The following MSR1 variants were observed in gnomAD, a reference collection of about 807,000 sequenced individuals.
MSR1 encodes the protein macrophage scavenger receptor types I and II.
Under a neutral mutation model 47.2 loss-of-function variants are expected in MSR1, and 53 were observed. The observed-to-expected ratio is 1.12, with a 90% CI of 0.90 to 1.41. The LOEUF (loss-of-function observed/expected upper bound fraction) is 1.41. Among genes scored for constraint, MSR1 ranks in the 40% most tolerant of loss-of-function variants. MSR1 has a pLI of 0.00. For missense variants in MSR1, 786 were observed against 546.9 expected, an observed-to-expected ratio of 1.44 and a Z score of -4.36; for synonymous variants, 239 against 185.6, an observed-to-expected ratio of 1.29 and a Z score of -2.34.
At chr8:16,115,286 A>G (rs1298412274) in intron 9 of MSR1, among the ~76,000 whole-genome samples, 1 of 152,212 alleles carries the variant, frequency 6.6e-6, no homozygotes, top group African/African-American at 2.4e-5. Flanking sequence ...AATTAAAACA[A>G]TGCATGTTTC....
At chr8:16,140,645 C>A in intron 8 of MSR1, 1 of 1,194,214 alleles carries the variant, frequency 8.4e-7, no homozygotes, top group Non-Finnish European at 1.0e-6. Context: ...CTCCTAGAAC[C>A]CAATAAATTA....
chr8:16,188,965 TAC>T (rs1323390064), intron 1 of MSR1, among the ~76,000 whole-genome samples: 967 of 54,322 alleles, frequency 0.018, 5 homozygotes, highest in Non-Finnish European at 0.03. Flanking sequence ...TCAACACACA[TAC>T]ATATATATAT....
rs866802732 is a variant in MSR1 at position 16,143,570 on chromosome 8, C to T, written c.1021G>A (p.Gly341Arg). The change falls in exon 8 of 10, where the codon GGA becomes AGA. Residue 341 changes from glycine to arginine, a missense_variant. By Grantham distance (125) the Gly-to-Arg change is moderately radical. Transcript: ENST00000262101. ...ACTATATACTTACTTAATGTGTTTCCACTCCCCTTTTCCCCTTTCTGGCCT... is the reference window on the plus strand; with the variant it reads ...ACTATATACTTACTTAATGTGTTTCTACTCCCCTTTTCCCCTTTCTGGCCT... ...PKGQKGEKGS[G>R]NTLTPFTKVR... The T allele has an allele frequency of 6.2e-7, 1 of 1,612,178 alleles. No homozygotes were observed. The highest frequency in any genetic ancestry group is 8.5e-7 in the Non-Finnish European group (1 of 1,178,670).
intron 4 of MSR1, among the ~76,000 whole-genome samples, chr8:16,168,070 TAAA>T (rs202005370): frequency 6.8e-6 from 1 of 146,868 alleles, no homozygotes; most frequent in Admixed American, 6.8e-5. Flanking sequence ...AACTTACAAA[TAAA>T]AAAAAAAATC....
intron 8 of MSR1, among the ~76,000 whole-genome samples, chr8:16,124,773 T>C (rs571359508): frequency 1.3e-5 from 2 of 152,296 alleles, no homozygotes; most frequent in Non-Finnish European, 2.9e-5. Context: ...TCTGACAAGA[T>C]GCAAGTTGTC....
intron 8 of MSR1, among the ~76,000 whole-genome samples, chr8:16,138,150 G>C (rs965563267): frequency 2.0e-5 from 3 of 152,142 alleles, no homozygotes; most frequent in Non-Finnish European, 4.4e-5. Context: ...ATCGTTGTTT[G>C]AGTTTTAGAT....
chr8:16,141,815 T>C (rs1448950467), intron 8 of MSR1, among the ~76,000 whole-genome samples: 2 of 151,818 alleles, frequency 1.3e-5, no homozygotes, highest in African/African-American at 2.4e-5. Flanking sequence ...CTGTTTGCAG[T>C]GTAAAAATAA....
At chr8:16,114,930 C>T (rs372576278) in intron 9 of MSR1, among the ~76,000 whole-genome samples, 12 of 152,140 alleles carry the variant, frequency 7.9e-5, no homozygotes, top group African/African-American at 2.9e-4. Context: ...GTAATCCCAG[C>T]ACTTTGGGAG....
At chr8:16,178,136 G>C in intron 1 of MSR1, 144 bp from the exon 2 acceptor site, 1 of 632,636 alleles carries the variant, frequency 1.6e-6, no homozygotes, top group Non-Finnish European at 2.7e-6. Flanking sequence ...TAAGCTCTAG[G>C]GTACATGTGC....
At chr8:16,184,711 T>C (rs1801943656) in intron 1 of MSR1, among the ~76,000 whole-genome samples, 1 of 152,212 alleles carries the variant, frequency 6.6e-6, no homozygotes, top group Non-Finnish European at 1.5e-5. Flanking sequence ...AGACAATATA[T>C]ATTGTTTATG....
At chr8:16,170,669 A>C (rs1403024113) in intron 3 of MSR1, among the ~76,000 whole-genome samples, 1 of 152,294 alleles carries the variant, frequency 6.6e-6, no homozygotes, top group Admixed American at 6.5e-5. Context: ...TTTGAGAATT[A>C]AACAACACAT....
intron 1 of MSR1, among the ~76,000 whole-genome samples, chr8:16,181,632 C>T (rs2117221324): frequency 6.6e-6 from 1 of 151,976 alleles, no homozygotes; most frequent in East Asian, 1.9e-4. Flanking sequence ...GGGAACATCA[C>T]ACACTAGGGC....
chr8:16,111,666 C>G (rs1799758921), intron 9 of MSR1, among the ~76,000 whole-genome samples: 1 of 151,394 alleles, frequency 6.6e-6, no homozygotes, highest in Non-Finnish European at 1.5e-5. Flanking sequence ...GTTAGAATAC[C>G]AAGGTTGTGG....
chr8:16,118,021 C>A (rs973117526), intron 9 of MSR1, among the ~76,000 whole-genome samples: 5 of 152,162 alleles, frequency 3.3e-5, no homozygotes, highest in African/African-American at 1.2e-4. Flanking sequence ...TTGGGAACCA[C>A]TGTCTTAAAG....
At chr8:16,150,059 A>G (rs1243828687) in intron 7 of MSR1, among the ~76,000 whole-genome samples, 172 bp downstream of exon 7, 2 of 150,444 alleles carry the variant, frequency 1.3e-5, no homozygotes, top group East Asian at 2.0e-4. Context: ...TATTCACACA[A>G]TGACCACTTT....
At chr8:16,115,163 G>GCACTCC (rs1799849929) in intron 9 of MSR1, among the ~76,000 whole-genome samples, 1 of 152,060 alleles carries the variant, frequency 6.6e-6, no homozygotes, top group Non-Finnish European at 1.5e-5. Context: ...TGGGCAACAA[G>GCACTCC]AGCGAAACTC....
At chr8:16,122,144 G>A (rs983572343) in intron 8 of MSR1, among the ~76,000 whole-genome samples, 2 of 152,038 alleles carry the variant, frequency 1.3e-5, no homozygotes, top group Admixed American at 6.6e-5. Flanking sequence ...GCATGCCTGA[G>A]TGGATAAGTC....
intron 7 of MSR1, among the ~76,000 whole-genome samples, chr8:16,149,953 A>G (rs1167806157): frequency 1.3e-5 from 2 of 151,322 alleles, no homozygotes; most frequent in Non-Finnish European, 2.9e-5. Flanking sequence ...TTCCTTTGGG[A>G]TATAGAGACT....
At position 16,155,505 on chromosome 8, in the gene MSR1, T is replaced by C. The variant is rs1418269700; in HGVS notation, c.818-361A>G. On this transcript the variant is annotated intron_variant, in intron 5 of 9. Transcript: ENST00000262101. ...CAGTTAGACATAGAGTTAGATATAA[T>C]ACAGAATTAGCTACTATACGGAAAA... 5.3e-5 allele frequency among the ~76,000 whole-genome samples: 8 copies of C among 152,128 alleles called. No individual in the cohort carries two copies. The East Asian group carries it at 9.7e-4, about 18-fold the overall frequency.
Sources: gnomAD v4.1 joint callset for allele counts (sites outside exome capture counted in the v4.1 genomes callset) on GRCh38, gnomAD v4.1.1 for gene constraint, MANE v1.5 for transcripts, NCBI Gene and HGNC (gene_info 2026-07-23, HGNC 2026-07-21) for gene names.